Variants in SLC25A13 observed in about 807,000 individuals in gnomAD.
SLC25A13 encodes the protein electrogenic aspartate/glutamate antiporter SLC25A13, mitochondrial.
In SLC25A13, 70 loss-of-function variants were observed where a neutral mutation model predicts 85.5. That is an observed-to-expected ratio of 0.82 (90% CI 0.68 to 1.00). The LOEUF is 1.00. SLC25A13 is among the 50% of genes least tolerant of loss of function. The pLI is 0.00. For missense variants in SLC25A13, 765 were observed against 819.8 expected (o/e 0.93, Z 0.82); for synonymous variants, 259 against 288.7 (o/e 0.90, Z 1.04).
intron 12 of SLC25A13, among the ~76,000 whole-genome samples, chr7:96,170,982 C>G (rs913258224): frequency 6.6e-6 from 1 of 152,150 alleles, no homozygotes; most frequent in Non-Finnish European, 1.5e-5. Context: ...TAGAACACAC[C>G]CTAACCATGA....
At chr7:96,187,772 C>A (rs1445622343) in intron 9 of SLC25A13, among the ~76,000 whole-genome samples, 1 of 152,174 alleles carries the variant, frequency 6.6e-6, no homozygotes, top group Non-Finnish European at 1.5e-5. Flanking sequence ...AGGATAAATG[C>A]TACAAGTGCT....
chr7:96,230,542 C>T (rs1039934735), intron 4 of SLC25A13, among the ~76,000 whole-genome samples: 2 of 152,116 alleles, frequency 1.3e-5, no homozygotes, highest in Admixed American at 6.5e-5. Flanking sequence ...TTAATTTTTT[C>T]TCCTCACATA....
intron 14 of SLC25A13, among the ~76,000 whole-genome samples, chr7:96,136,897 G>A (rs1344670130): frequency 6.6e-6 from 1 of 152,156 alleles, no homozygotes; most frequent in Admixed American, 6.6e-5. Flanking sequence ...CAACAGTGGT[G>A]CACCTTGTCT....
At chr7:96,205,518 G>A (rs925373642) in intron 5 of SLC25A13, among the ~76,000 whole-genome samples, 3 of 152,066 alleles carry the variant, frequency 2.0e-5, no homozygotes, top group Non-Finnish European at 2.9e-5. Flanking sequence ...TAAATAATGG[G>A]GTAAGAGAAA....
At chr7:96,180,306 C>G (rs1299704027) in intron 11 of SLC25A13, among the ~76,000 whole-genome samples, 1 of 152,110 alleles carries the variant, frequency 6.6e-6, no homozygotes, top group Non-Finnish European at 1.5e-5. Flanking sequence ...AAATTTTCGT[C>G]TAAGAAGTAT....
intron 3 of SLC25A13, among the ~76,000 whole-genome samples, chr7:96,238,770 G>A (rs964411930): frequency 6.6e-6 from 1 of 151,968 alleles, no homozygotes; most frequent in East Asian, 1.9e-4. Flanking sequence ...CTGCTCTCCA[G>A]GGGAACTTGC....
At chr7:96,248,979 T>C (rs181695941) in intron 3 of SLC25A13, among the ~76,000 whole-genome samples, 2 of 152,260 alleles carry the variant, frequency 1.3e-5, no homozygotes, top group East Asian at 1.9e-4. Flanking sequence ...CCTAATACCT[T>C]ATGAAATGTT....
intron 1 of SLC25A13, among the ~76,000 whole-genome samples, chr7:96,300,271 T>C (rs1321876609): frequency 5.3e-5 from 8 of 151,980 alleles, no homozygotes; most frequent in Admixed American, 2.6e-4. Context: ...ATGGCCTTAG[T>C]GTCAGATCAT....
intron 3 of SLC25A13, among the ~76,000 whole-genome samples, chr7:96,271,737 T>G (rs573544628): frequency 1.3e-5 from 2 of 152,228 alleles, no homozygotes; most frequent in African/African-American, 4.8e-5. Flanking sequence ...TATTACACAT[T>G]GTTATCTGAT....
intron 4 of SLC25A13, among the ~76,000 whole-genome samples, chr7:96,220,223 C>CA (rs1480399382): frequency 6.6e-6 from 1 of 152,140 alleles, no homozygotes; most frequent in African/African-American, 2.4e-5. Flanking sequence ...ATATTGTTTT[C>CA]AAAAACCTAT....
intron 1 of SLC25A13, among the ~76,000 whole-genome samples, chr7:96,310,130 A>G (rs12671196): frequency 0.65 from 98,840 of 152,036 alleles, 32,404 homozygotes; most frequent in Non-Finnish European, 0.67. Context: ...TCCAGTCTCT[A>G]GTACTTTGTT....
intron 7 of SLC25A13, 117 bp downstream of exon 7, chr7:96,190,992 T>C (rs1794824777): frequency 1.7e-6 from 2 of 1,207,004 alleles, no homozygotes; most frequent in Non-Finnish European, 2.4e-6. Flanking sequence ...CACGTTATCA[T>C]ATAGTTAATA....
rs934024804 is a variant in SLC25A13, at chr7:96,189,622, A to C, written c.807T>G (p.Val269=). 1.9e-6 allele frequency: 3 copies of C among 1,613,924 alleles called. No homozygotes were observed. Among genetic ancestry groups the C allele is most frequent in the African/African-American group, 1.3e-5 (1 of 74,988 alleles). The change falls in exon 8 of 18, where the codon GTT becomes GTG. Residue 269 remains valine (V), a synonymous_variant. Coordinates refer to ENST00000265631, the MANE Select transcript of SLC25A13 (RefSeq NM_014251.3). ...AATCTGCTAACTGAAACAAGATGTCAACTTCCATGGGTGTAACCTGACCAA... is the reference window on the plus strand; with the variant it reads ...AATCTGCTAACTGAAACAAGATGTCCACTTCCATGGGTGTAACCTGACCAA... ...QKFGQVTPME[V]DILFQLADLY... is the part of the protein sequence containing the mutation.
At chr7:96,278,364 T>C (rs1798538939) in intron 2 of SLC25A13, among the ~76,000 whole-genome samples, 1 of 152,196 alleles carries the variant, frequency 6.6e-6, no homozygotes, top group African/African-American at 2.4e-5. Context: ...GTCTCCCCTC[T>C]CTCTCTAATC....
At chr7:96,165,239 CAGA>C (rs1014645793) in intron 13 of SLC25A13, among the ~76,000 whole-genome samples, 1 of 151,982 alleles carries the variant, frequency 6.6e-6, no homozygotes, top group African/African-American at 2.4e-5. Flanking sequence ...ACCATGGCAG[CAGA>C]AGAAGAAGGG....
intron 1 of SLC25A13, among the ~76,000 whole-genome samples, chr7:96,307,926 T>A (rs1374483765): frequency 6.6e-6 from 1 of 151,560 alleles, no homozygotes; most frequent in African/African-American, 2.4e-5. Context: ...CTGAGGTGGG[T>A]GGATCACCTG....
At chr7:96,284,209 G>GA (rs1341339961) in intron 2 of SLC25A13, among the ~76,000 whole-genome samples, 1 of 151,544 alleles carries the variant, frequency 6.6e-6, no homozygotes, top group Admixed American at 6.6e-5. Flanking sequence ...CTCCTAAGGG[G>GA]AAAAAAAATT....
At chr7:96,166,008 T>G (rs950215503) in intron 13 of SLC25A13, among the ~76,000 whole-genome samples, 1 of 152,214 alleles carries the variant, frequency 6.6e-6, no homozygotes, top group African/African-American at 2.4e-5. Flanking sequence ...ACCATTATGG[T>G]AGGAATCAGG....
chr7:96,124,031 T>C (rs997575297), intron 15 of SLC25A13, among the ~76,000 whole-genome samples: 1 of 152,174 alleles, frequency 6.6e-6, no homozygotes, highest in South Asian at 2.1e-4. Flanking sequence ...GCCTGATTCT[T>C]CAATGACAAG....
Sources: gnomAD v4.1 joint callset for allele counts (sites outside exome capture counted in the v4.1 genomes callset) on GRCh38, gnomAD v4.1.1 for gene constraint, MANE v1.5 for transcripts, NCBI Gene and HGNC (gene_info 2026-07-23, HGNC 2026-07-21) for gene names.